Variants in NTRK3 observed in about 807,000 individuals in gnomAD.
The protein encoded by NTRK3 is neurotrophic receptor tyrosine kinase 3.
A neutral mutation model predicts 91.7 loss-of-function variants in NTRK3; 24 were observed. The observed-to-expected ratio is 0.26, with a 90% confidence interval of 0.19 to 0.37. The LOEUF is 0.37. Ranked by LOEUF, NTRK3 falls within the 10% of genes least tolerant of loss-of-function variation. The pLI, the probability that NTRK3 is intolerant of heterozygous loss-of-function variation, is 1.00. For synonymous variants in NTRK3, 483 were observed against 404.0 expected (o/e 1.20, Z -2.34); for missense variants, 880 against 1,068.9 (o/e 0.82, Z 2.46).
chr15:87,866,901 T>C (rs1396450710), exon 19 of NTRK3: 2 of 212,214 alleles, frequency 9.4e-6, no homozygotes, highest in African/African-American at 2.3e-5. Flanking sequence ...TGCTGACATG[T>C]GGAACTCCTC....
intron 13 of NTRK3, among the ~76,000 whole-genome samples, chr15:88,054,906 A>C (rs2142351969): frequency 6.6e-6 from 1 of 152,216 alleles, no homozygotes; most frequent in South Asian, 2.1e-4. Flanking sequence ...TCTTAATATC[A>C]CCATTTTGCA....
chr15:88,045,003 T>A (rs1396461096), intron 13 of NTRK3, among the ~76,000 whole-genome samples: 1 of 152,208 alleles, frequency 6.6e-6, no homozygotes, highest in African/African-American at 2.4e-5. Context: ...TGGCCTCCTG[T>A]AGCCTCTTGC....
At chr15:88,084,302 A>C (rs2048314179) in intron 13 of NTRK3, among the ~76,000 whole-genome samples, 1 of 152,076 alleles carries the variant, frequency 6.6e-6, no homozygotes, top group African/African-American at 2.4e-5. Context: ...AAAGCAGCCA[A>C]ATCTGACCAG....
chr15:88,023,161 T>G (rs1296499374), intron 14 of NTRK3, among the ~76,000 whole-genome samples: 1 of 152,196 alleles, frequency 6.6e-6, no homozygotes, highest in African/African-American at 2.4e-5. Context: ...ATTAATATCT[T>G]GAGGCTGAGA....
exon 19 of NTRK3, chr15:87,875,401 G>T (rs779032310): frequency 8.6e-5 from 20 of 231,616 alleles, no homozygotes; most frequent in Non-Finnish European, 1.3e-4. Context: ...GCAGCAGCCA[G>T]GAAGGCAGTG....
At position 88,106,335 on chromosome 15, in the gene NTRK3, G is replaced by C. The variant is rs970887527; in HGVS notation, c.1396+19936C>G. ...CTGGGCCAAGGAGCTGAGCAACCCT[G>C]GCCTGTGTCTTCCTTATGCTCATTC... On this transcript the variant is annotated intron_variant, in intron 13 of 18. Coordinates refer to ENST00000394480, the Ensembl canonical transcript of NTRK3. 1.4e-4 allele frequency among the ~76,000 whole-genome samples: 22 copies of C among 152,202 alleles called. 1 individual carries two copies. The highest frequency in any genetic ancestry group is 3.9e-4 in the Admixed American group (6 of 15,280).
At chr15:87,894,021 G>A (rs2065978851) in intron 17 of NTRK3, among the ~76,000 whole-genome samples, 1 of 151,976 alleles carries the variant, frequency 6.6e-6, no homozygotes, top group Admixed American at 6.5e-5. Context: ...TGTCATAAAG[G>A]GTGTCATTTA....
intron 14 of NTRK3, among the ~76,000 whole-genome samples, chr15:87,950,561 AACTGGGTATAAATTC>A (rs2071010147): frequency 6.6e-6 from 1 of 152,216 alleles, no homozygotes; most frequent in Admixed American, 6.5e-5. Flanking sequence ...AATGAGACAG[AACTGGGTATAAATTC>A]ACACTCAAGG....
chr15:88,060,330 TC>T (rs999329125), intron 13 of NTRK3, among the ~76,000 whole-genome samples: 1 of 142,758 alleles, frequency 7.0e-6, no homozygotes, highest in Non-Finnish European at 1.5e-5. Flanking sequence ...GTCGCAGTGA[TC>T]CAAGATTGCA....
chr15:88,028,809 A>C (rs1596806765), intron 14 of NTRK3, among the ~76,000 whole-genome samples: 1 of 152,160 alleles, frequency 6.6e-6, no homozygotes, highest in South Asian at 2.1e-4. Context: ...GAAAAGGATG[A>C]ACAGAGAACC....
chr15:87,985,109 C>G (rs898526515), intron 14 of NTRK3, among the ~76,000 whole-genome samples: 31 of 152,148 alleles, frequency 2.0e-4, no homozygotes, highest in African/African-American at 7.2e-4. Flanking sequence ...GGCTGGAAAC[C>G]TACAGCAGAG....
At chr15:87,908,294 T>C (rs1382811105) in intron 17 of NTRK3, among the ~76,000 whole-genome samples, 6 of 151,986 alleles carry the variant, frequency 3.9e-5, no homozygotes, top group African/African-American at 4.8e-5. Context: ...CCATGAGACA[T>C]CCCAAGCACA....
chr15:87,988,081 A>C (rs1224944427), intron 14 of NTRK3, among the ~76,000 whole-genome samples: 11 of 152,166 alleles, frequency 7.2e-5, no homozygotes, highest in Non-Finnish European at 1.5e-4. Context: ...TTTGCAGTGG[A>C]GAAAACTGAC....
At chr15:88,039,118 A>AAC (rs66499066) in intron 13 of NTRK3, among the ~76,000 whole-genome samples, 5,934 of 139,320 alleles carry the variant, frequency 0.043, 251 homozygotes, top group African/African-American at 0.11. Flanking sequence ...TTGAGCCCTC[A>AAC]ACACACACAC....
At chr15:88,008,345 C>G (rs946473168) in intron 14 of NTRK3, among the ~76,000 whole-genome samples, 14 of 152,106 alleles carry the variant, frequency 9.2e-5, no homozygotes, top group Non-Finnish European at 1.3e-4. Context: ...CTTAACCACT[C>G]AGGGCTTCAG....
chr15:87,995,690 G>T (rs1490861177), intron 14 of NTRK3, among the ~76,000 whole-genome samples: 1 of 152,294 alleles, frequency 6.6e-6, no homozygotes, highest in Admixed American at 6.5e-5. Context: ...AGCAGTGGCT[G>T]GTCTAGCTAG....
chr15:88,019,198 A>G (rs879914128), intron 14 of NTRK3, among the ~76,000 whole-genome samples: 4 of 152,238 alleles, frequency 2.6e-5, no homozygotes, highest in Non-Finnish European at 5.9e-5. Flanking sequence ...AGTAAAATGT[A>G]CACGGTATCA....
At position 88,243,794 on chromosome 15, in the gene NTRK3, A is replaced by C. The variant is rs1326291673; in HGVS notation, c.248+12112T>G. Among the ~76,000 whole-genome samples, 1 of 152,216 alleles carries C rather than the reference A, an allele frequency of 6.6e-6. No individual in the cohort carries two copies. The stretch of plus-strand genomic sequence containing the variant: ...AGAAAGGCTCTGGTTTTTAGGTGCC[A>C]GGATTGTTTCATCACAATCAACTTA... On this transcript the variant is annotated intron_variant, in intron 3 of 18. Coordinates refer to ENST00000394480, the Ensembl canonical transcript of NTRK3. The surrounding 1 kb of genome is among the most constrained non-coding windows in gnomAD (Gnocchi z 4.8).
chr15:87,865,969 C>G, exon 19 of NTRK3: 1 of 231,546 alleles, frequency 4.3e-6, no homozygotes. Context: ...AAGCGGCTCT[C>G]AGTCACTCAG....
Sources: allele counts gnomAD v4.1 joint callset (sites outside exome capture counted in the v4.1 genomes callset), GRCh38; gene constraint gnomAD v4.1.1; non-coding constraint Gnocchi (gnomAD v3.1); transcripts MANE v1.5; gene names NCBI Gene and HGNC (gene_info 2026-07-23, HGNC 2026-07-21).